Variants in TRIM24 observed in about 807,000 individuals in gnomAD.
TRIM24 encodes the protein tripartite motif containing 24.
In TRIM24, 29 loss-of-function variants were observed where a neutral mutation model predicts 123.9. The ratio of observed to expected loss-of-function variants is 0.23; its 90% CI spans 0.17 to 0.32. TRIM24 has a LOEUF of 0.32. Among genes scored for constraint, TRIM24 ranks in the 10% least tolerant of loss-of-function variants. The pLI is 1.00. For synonymous variants in TRIM24, 456 were observed against 461.1 expected, an observed-to-expected ratio of 0.99 and a Z score of 0.14; for missense variants, 932 against 1,295.3, an observed-to-expected ratio of 0.72 and a Z score of 4.31.
chr7:138,511,836 C>T (rs558897989), intron 2 of TRIM24, among the ~76,000 whole-genome samples: 1 of 152,152 alleles, frequency 6.6e-6, no homozygotes, highest in Non-Finnish European at 1.5e-5. Flanking sequence ...CCAACAGTCC[C>T]CCAGAGTCTT....
At chr7:138,517,071 A>G (rs1584713775) in intron 3 of TRIM24, among the ~76,000 whole-genome samples, 1 of 148,104 alleles carries the variant, frequency 6.8e-6, no homozygotes, top group African/African-American at 2.5e-5. Flanking sequence ...TTGCCATTAC[A>G]CTCCGTCTGC....
chr7:138,564,888 A>G (rs1260991872), intron 9 of TRIM24, among the ~76,000 whole-genome samples: 1 of 152,006 alleles, frequency 6.6e-6, no homozygotes, highest in African/African-American at 2.4e-5. Context: ...CTTCCCTCTC[A>G]TTTCCTCCCA....
chr7:138,586,165 C>G lies in TRIM24; in HGVS notation c.*1214C>G. 3.1e-6 allele frequency: 1 copy of G among 318,348 alleles called. No homozygotes were observed. 19.7% of individuals were successfully genotyped at this position (318,348 alleles called of 1,614,324 possible). On this transcript the variant is annotated 3_prime_UTR_variant, in exon 19 of 19. Transcript: ENST00000343526. ...CATATTCTTAATGTGCCAGACCTAC[C>G]CGGTTCAGCTGATATAGATAGATAG...
chr7:138,570,761 G>GTGAT, intron 10 of TRIM24, 69 bp from the exon 11 acceptor site: 1 of 1,513,088 alleles, frequency 6.6e-7, no homozygotes, highest in Admixed American at 1.9e-5. Flanking sequence ...TTTTGTGTGA[G>GTGAT]TGATTACATA....
intron 9 of TRIM24, 34 bp from the exon 10 acceptor site, chr7:138,567,447 T>C (rs1398463492): frequency 6.4e-7 from 1 of 1,574,596 alleles, no homozygotes; most frequent in Non-Finnish European, 8.6e-7. Context: ...CAGAAGAAGA[T>C]TGTTACTAAA....
chr7:138,576,971 T>C (rs1022747574), intron 13 of TRIM24, among the ~76,000 whole-genome samples: 1 of 152,238 alleles, frequency 6.6e-6, no homozygotes, highest in African/African-American at 2.4e-5. Context: ...TTTAATCCCA[T>C]GAGAACATAG....
Position 138,587,883 on chromosome 7 carries a change from A to G in TRIM24, c.*2932A>G, listed in dbSNP as rs143089372. 6.6e-6 allele frequency: 1 copy of G among 152,364 alleles called. No individual in the cohort carries two copies. The highest frequency in any genetic ancestry group is 1.5e-5 in the Non-Finnish European group (1 of 68,042). The allele number at this position is 152,364 out of a possible 1,614,324, so 9.4% of individuals were successfully genotyped here. On this transcript the variant is annotated 3_prime_UTR_variant, in exon 19 of 19. Coordinates refer to ENST00000343526, the MANE Select transcript of TRIM24 (RefSeq NM_015905.3). ...GATGGATGTAGACCATATTCAACGC[A>G]GAATACATTTTAGATCGGTATCTGG...
intron 10 of TRIM24, among the ~76,000 whole-genome samples, 165 bp from the exon 11 acceptor site, chr7:138,570,665 G>A (rs1356273368): frequency 6.0e-5 from 8 of 132,712 alleles, no homozygotes; most frequent in African/African-American, 1.9e-4. Flanking sequence ...TTTTTGACAA[G>A]ATTAATGAAA....
At chr7:138,490,850 G>C (rs1226425411) in intron 1 of TRIM24, 2 of 457,612 alleles carry the variant, frequency 4.4e-6, no homozygotes, top group East Asian at 1.2e-4. Context: ...GTACCTGTCA[G>C]GTCATGATTT....
intron 12 of TRIM24, among the ~76,000 whole-genome samples, chr7:138,574,028 C>T (rs557789257): frequency 1.7e-3 from 255 of 152,332 alleles, no homozygotes; most frequent in African/African-American, 5.3e-3. Context: ...CTGCCTTAGC[C>T]TCCCAAAGCT....
intron 8 of TRIM24, among the ~76,000 whole-genome samples, chr7:138,552,085 T>A (rs2116631775): frequency 6.6e-6 from 1 of 152,318 alleles, no homozygotes; most frequent in South Asian, 2.1e-4. Context: ...TTACCATCGT[T>A]TACAGTTGCC....
intron 4 of TRIM24, among the ~76,000 whole-genome samples, chr7:138,522,632 AGTACT>A (rs978415964): frequency 3.9e-5 from 6 of 152,198 alleles, no homozygotes; most frequent in Non-Finnish European, 7.3e-5. Context: ...TATAGTTTAA[AGTACT>A]GTAAACAAAG....
intron 1 of TRIM24, among the ~76,000 whole-genome samples, chr7:138,502,633 C>A (rs1161768463): frequency 6.6e-6 from 1 of 152,164 alleles, no homozygotes; most frequent in East Asian, 1.9e-4. Flanking sequence ...TTGGGGGTAA[C>A]ACTTAATGTT....
At chr7:138,461,278 G>A (rs1233471270) in intron 1 of TRIM24, 2 of 561,064 alleles carry the variant, frequency 3.6e-6, no homozygotes, top group East Asian at 4.7e-5. Context: ...CTACCCGCCC[G>A]CTGCCTCCAC....
At chr7:138,487,213 G>T (rs200982188) in intron 1 of TRIM24, among the ~76,000 whole-genome samples, 2 of 152,182 alleles carry the variant, frequency 1.3e-5, no homozygotes, top group East Asian at 3.8e-4. Context: ...TGCTGAAGTT[G>T]CTTATCAGCT....
Position 138,538,675 on chromosome 7 carries a change from C to T in TRIM24, c.1015C>T (p.Arg339Cys), listed in dbSNP as rs868515585. ...HQLESLAKDH[R>C]MKLMQQQQEV... ...TTTTCAGAGCCTTGCAAAGGACCAT[C>T]GCATGAAACTTATGCAACAACAACA... The change falls in exon 7 of 19, where the codon CGC (arginine) becomes TGC (cysteine). Residue 339 changes from arginine to cysteine, a missense_variant. By Grantham distance (180) the Arg-to-Cys change is radical. Around this residue, in one of 7 missense-constraint regions of TRIM24, gnomAD observed 527 missense variants for 691.3 expected, o/e 0.76. Coordinates refer to ENST00000343526, the MANE Select transcript of TRIM24 (RefSeq NM_015905.3). The T allele has an allele frequency of 1.1e-5, 17 of 1,613,916 alleles. No individual in the cohort carries two copies. The highest frequency in any genetic ancestry group is 2.7e-5 in the African/African-American group (2 of 74,912).
chr7:138,496,663 T>C (rs1392568741), intron 1 of TRIM24, among the ~76,000 whole-genome samples: 1 of 152,132 alleles, frequency 6.6e-6, no homozygotes, highest in African/African-American at 2.4e-5. Context: ...TTTTCCTTTT[T>C]TTAATTGTAT....
chr7:138,560,058 T>G (rs1328673857), intron 9 of TRIM24, among the ~76,000 whole-genome samples: 1 of 152,210 alleles, frequency 6.6e-6, no homozygotes, highest in Non-Finnish European at 1.5e-5. Context: ...GAACAAGATC[T>G]CATAGGGCAA....
intron 1 of TRIM24, among the ~76,000 whole-genome samples, chr7:138,467,048 T>G (rs184098038): frequency 1.1e-3 from 170 of 152,350 alleles, no homozygotes; most frequent in African/African-American, 3.8e-3. Flanking sequence ...TTCATTATAT[T>G]ATTTTGGCAT....
Sources: gnomAD v4.1 joint callset for allele counts (sites outside exome capture counted in the v4.1 genomes callset) on GRCh38, gnomAD v4.1.1 for gene constraint, gnomAD v4.1.1 regional missense constraint, MANE v1.5 for transcripts, NCBI Gene and HGNC (gene_info 2026-07-23, HGNC 2026-07-21) for gene names.